The following MAP3K11 variants were observed in gnomAD, a reference collection of about 807,000 sequenced individuals.
The protein encoded by MAP3K11 is SH3 domain-containing proline-rich kinase.
Under a neutral mutation model 84.9 loss-of-function variants are expected in MAP3K11, and 46 were observed. The observed-to-expected ratio is 0.54, with a 90% CI of 0.43 to 0.69. The LOEUF (loss-of-function observed/expected upper bound fraction) is 0.69. Among genes scored for constraint, MAP3K11 ranks in the 30% least tolerant of loss-of-function variants. The pLI, the probability that MAP3K11 is intolerant of heterozygous loss-of-function variation, is 0.00. For missense variants in MAP3K11, 1,053 were observed against 1,198.3 expected, an observed-to-expected ratio of 0.88 and a Z score of 1.79; for synonymous variants, 527 against 514.7, an observed-to-expected ratio of 1.02 and a Z score of -0.32.
intron 7 of MAP3K11, 26 bp from the exon 8 acceptor site, chr11:65,605,878 T>A: frequency 6.2e-7 from 1 of 1,611,860 alleles, no homozygotes; most frequent in Non-Finnish European, 8.5e-7. Context: ...CAAGGAGGGG[T>A]GCTTTAGGAA....
Position 65,607,306 on chromosome 11 carries a change from C to T in MAP3K11, c.1453G>A (p.Ala485Thr), listed in dbSNP as rs1175592890. The T allele has an allele frequency of 3.3e-5, 50 of 1,523,092 alleles. No individual in the cohort carries two copies. The highest frequency in any genetic ancestry group is 4.1e-5 in the Non-Finnish European group (47 of 1,144,562). 94.3% of individuals were successfully genotyped at this position (1,523,092 alleles called of 1,614,324 possible). A position where few individuals can be genotyped will look rare whatever the true frequency, so the allele number is the denominator to read the frequency against. The change falls in exon 5 of 10, where the codon GCG (alanine) becomes ACG (threonine). Residue 485 changes from alanine (A) to threonine (T), a missense_variant. Ala to Thr is a moderately conservative substitution (Grantham distance 58, BLOSUM62 0). Around this residue, in one of 3 missense-constraint regions of MAP3K11, gnomAD observed 583 missense variants for 566.6 expected, o/e 1.03. Coordinates refer to ENST00000309100, the MANE Select transcript of MAP3K11 (RefSeq NM_002419.4). ...CTGATACGCTCGCCGCCGTCGCGCG[C>T]CCGGAGCTTGCTGCGCTTGAATGTC... The part of the protein sequence containing the change: ...RGTFKRSKLR[A>T]RDGGERISMP...
At chr11:65,608,195 C>T in intron 2 of MAP3K11, 73 bp downstream of exon 2, 1 of 1,590,928 alleles carries the variant, frequency 6.3e-7, no homozygotes, top group East Asian at 2.2e-5. Flanking sequence ...CTTGGCCCAG[C>T]CCTAGATTTA....
At chr11:65,600,027 G>A (rs1335368821) in intron 8 of MAP3K11, among the ~76,000 whole-genome samples, 1 of 152,238 alleles carries the variant, frequency 6.6e-6, no homozygotes, top group Non-Finnish European at 1.5e-5. Flanking sequence ...AGACCCGAAA[G>A]ATGGATGGGC....
chr11:65,605,032 C>T (rs1401583202), intron 8 of MAP3K11, among the ~76,000 whole-genome samples: 2 of 152,190 alleles, frequency 1.3e-5, no homozygotes, highest in Non-Finnish European at 2.9e-5. Context: ...AGCTTCTGAG[C>T]TCACTACGAG....
intron 8 of MAP3K11, among the ~76,000 whole-genome samples, chr11:65,600,456 C>G (rs1466865864): frequency 6.6e-6 from 1 of 152,200 alleles, no homozygotes; most frequent in Non-Finnish European, 1.5e-5. Flanking sequence ...AGGTTGAGGG[C>G]TTGTGCGGAG....
chr11:65,606,852 G>C (rs1026481691), intron 5 of MAP3K11, 48 bp from the exon 6 acceptor site: 7 of 1,291,126 alleles, frequency 5.4e-6, no homozygotes, highest in Non-Finnish European at 7.8e-6. Context: ...TGATGAAGTA[G>C]AGCCAGGACC....
At chr11:65,607,169 A>G in intron 5 of MAP3K11, 101 bp downstream of exon 5, 1 of 1,365,232 alleles carries the variant, frequency 7.3e-7, no homozygotes, top group African/African-American at 1.6e-5. Context: ...GGGCCCACCC[A>G]CAACACCCTA....
At position 65,599,444 on chromosome 11, in the gene MAP3K11, G is replaced by C; in HGVS notation, c.2156C>G (p.Pro719Arg). The change falls in exon 9 of 10, where the codon CCT becomes CGT. Residue 719 changes from proline (P) to arginine (R), a missense_variant. Transcript: ENST00000309100. ...PAPLLLDLGI[P>R]VGQRSAKSPR... ...GCTCTTGGCTGACCGCTGGCCCACA[G>C]GGATACCCAGGTCCAGCAACAGGGG... 6.6e-7 allele frequency: 1 copy of C among 1,521,010 alleles called. No individual in the cohort carries two copies. The highest frequency in any genetic ancestry group is 8.7e-7 in the Non-Finnish European group (1 of 1,146,622). 94.2% of individuals were successfully genotyped at this position (1,521,010 alleles called of 1,614,324 possible). A position where few individuals can be genotyped will look rare whatever the true frequency, so the allele number is the denominator to read the frequency against.
At chr11:65,612,960 T>C in intron 1 of MAP3K11, 58 bp downstream of exon 1, 2 of 1,489,482 alleles carry the variant, frequency 1.3e-6, no homozygotes, top group Non-Finnish European at 1.8e-6. Flanking sequence ...CAGTGGAAGG[T>C]TGGGAGCAGG....
chr11:65,600,183 G>GC (rs1418371766), intron 8 of MAP3K11, among the ~76,000 whole-genome samples: 2 of 152,206 alleles, frequency 1.3e-5, no homozygotes. Context: ...TGGCTTGGCA[G>GC]CCCTGCCCCT....
rs775996855 is a variant in MAP3K11, at chr11:65,608,369, C to T, written c.819G>A (p.Glu273=). ...CACTCATTTGTGTGGTTTTGTGCCACTCTCGGGCCAGGCCAAAGTCGGTGA... is the reference window on the plus strand; with the variant it reads ...CACTCATTTGTGTGGTTTTGTGCCATTCTCGGGCCAGGCCAAAGTCGGTGA... ...LKITDFGLAR[E]WHKTTQMSAA... is the part of the protein sequence containing the mutation. Residue 273 remains glutamate (E), a synonymous_variant, in exon 2 of 10, where the codon GAG becomes GAA. Coordinates refer to ENST00000309100, the MANE Select transcript of MAP3K11 (RefSeq NM_002419.4). The T allele has an allele frequency of 3.1e-6, 5 of 1,614,130 alleles. No homozygotes were observed. The East Asian group carries it at 8.9e-5, about 29-fold the overall frequency.
Position 65,598,314 on chromosome 11 carries a change from A to G in MAP3K11, c.2521T>C (p.Trp841Arg), listed in dbSNP as rs1270916302. The change falls in exon 10 of 10, where the codon TGG becomes CGG. Residue 841 changes from tryptophan (W) to arginine (R), a missense_variant. By Grantham distance (101) the Trp-to-Arg change is moderately radical (BLOSUM62 -3). Transcript: ENST00000309100. ...QTKDMGAQAPWVPEAGP is the reference protein window; with the variant it reads ...QTKDMGAQAPRVPEAGP The stretch of plus-strand genomic sequence containing the variant: ...ACTCAAGGCCCCGCTTCCGGCACCC[A>G]CGGGGCCTGGGCACCCATGTCTTTG... 5.4e-6 allele frequency: 8 copies of G among 1,477,972 alleles called. No individual in the cohort carries two copies. The highest frequency in any genetic ancestry group is 2.8e-5 in the African/African-American group (2 of 70,416). The allele number at this position is 1,477,972 out of a possible 1,614,324, so 91.6% of individuals were successfully genotyped here.
In MAP3K11 at chr11:65,598,387, TG is replaced by T; in HGVS notation, c.2447del (p.Pro816HisfsTer131). 6.4e-7 allele frequency: 1 copy of T among 1,560,116 alleles called. No homozygotes were observed. Among genetic ancestry groups the T allele is most frequent in the South Asian group, 1.2e-5 (1 of 83,126 alleles). On this transcript the variant is annotated frameshift_variant, in exon 10 of 10. Transcript: ENST00000309100. LOFTEE classifies it high-confidence loss of function. Reference protein sequence around the residue: ...FPDSDPFWDSPPANPFQGGPQ... With the variant: ...FPDSDPFWDSXPANPFQGGPQ... ...GGCCCCCCTGGAAGGGGTTGGCAGG[TG>T]GGGAGTCCCAGAAGGGGTCTGAGTC...
chr11:65,599,915 T>C (rs1854437828), intron 8 of MAP3K11, 147 bp from the exon 9 acceptor site: 1 of 824,116 alleles, frequency 1.2e-6, no homozygotes, highest in East Asian at 3.1e-5. Flanking sequence ...GGCCTCCCCA[T>C]CACATACCCA....
intron 9 of MAP3K11, among the ~76,000 whole-genome samples, 191 bp downstream of exon 9, chr11:65,599,203 G>T (rs535287370): frequency 1.3e-5 from 2 of 152,206 alleles, no homozygotes; most frequent in Non-Finnish European, 2.9e-5. Context: ...CCACCTGCCT[G>T]GACCACCTGA....
At chr11:65,602,110 G>A (rs948880209) in intron 8 of MAP3K11, among the ~76,000 whole-genome samples, 2 of 150,712 alleles carry the variant, frequency 1.3e-5, no homozygotes, top group Admixed American at 1.3e-4. Flanking sequence ...GGCTGAGGCA[G>A]GAGAATCGCT....
chr11:65,598,146 T>C lies in MAP3K11; in HGVS notation c.*145A>G. The C allele has an allele frequency of 1.8e-6, 1 of 557,518 alleles. No homozygotes were observed. The highest frequency in any genetic ancestry group is 2.8e-6 in the Non-Finnish European group (1 of 352,194). The allele number at this position is 557,518 out of a possible 1,614,324, so 34.5% of individuals were successfully genotyped here. On this transcript the variant is annotated 3_prime_UTR_variant, in exon 10 of 10. Coordinates refer to ENST00000309100, the MANE Select transcript of MAP3K11 (RefSeq NM_002419.4). ...CCCCTTCCAGTGTGAAGGCTTCCTG[T>C]GCAGTGTAGTGTTCCTGACCCCCAA...
intron 8 of MAP3K11, among the ~76,000 whole-genome samples, chr11:65,603,447 G>A (rs577882112): frequency 2.6e-5 from 4 of 152,384 alleles, no homozygotes; most frequent in East Asian, 3.9e-4. Flanking sequence ...TGCTATCAGC[G>A]TAGCTGAGTG....
Position 65,599,668 on chromosome 11 carries a change from C to A in MAP3K11, c.1932G>T (p.Ala644=), listed in dbSNP as rs778152793. The A allele has an allele frequency of 1.3e-6, 2 of 1,551,952 alleles. No homozygotes were observed. Among genetic ancestry groups the A allele is most frequent in the South Asian group, 2.3e-5 (2 of 85,182 alleles). The change falls in exon 9 of 10, where the codon GCG becomes GCT. Residue 644 remains alanine, a synonymous_variant. Transcript: ENST00000309100. ...SSGTPKLIQR[A]LLRGTALLAS... ...CGAGCAGGGCGGTGCCGCGCAGCAGCGCCCGCTGGATCAGCTTGGGCGTCC... is the reference window on the plus strand; with the variant it reads ...CGAGCAGGGCGGTGCCGCGCAGCAGAGCCCGCTGGATCAGCTTGGGCGTCC...
Sources: gnomAD v4.1 joint callset for allele counts (sites outside exome capture counted in the v4.1 genomes callset) on GRCh38, gnomAD v4.1.1 for gene constraint, gnomAD v4.1.1 regional missense constraint, MANE v1.5 for transcripts, NCBI Gene and HGNC (gene_info 2026-07-23, HGNC 2026-07-21) for gene names.